The following SH3GLB1 variants were observed in gnomAD, a reference collection of about 807,000 sequenced individuals.
The protein encoded by SH3GLB1 is SH3 domain containing GRB2 like, endophilin B1, also known as endophilin-B1.
SH3GLB1 carries 17 observed loss-of-function variants against 42.0 expected under a neutral mutation model. The ratio of observed to expected loss-of-function variants is 0.40; its 90% CI spans 0.28 to 0.61. The LOEUF is 0.61. SH3GLB1 is among the 20% of genes least tolerant of loss of function. The pLI is 0.36. For missense variants in SH3GLB1, 355 were observed against 426.3 expected (o/e 0.83, Z 1.47); for synonymous variants, 132 against 146.6 (o/e 0.90, Z 0.72).
At chr1:86,734,740 C>A in intron 6 of SH3GLB1, 49 bp downstream of exon 6, 1 of 1,422,976 alleles carries the variant, frequency 7.0e-7, no homozygotes, top group Non-Finnish European at 9.8e-7. Flanking sequence ...CTTTGGTAGT[C>A]CTAAGGCAAT....
At chr1:86,740,108 C>G (rs1392150179) in intron 7 of SH3GLB1, among the ~76,000 whole-genome samples, 5 of 151,612 alleles carry the variant, frequency 3.3e-5, no homozygotes, top group Admixed American at 1.3e-4. Context: ...CAAGATTGAA[C>G]CACTGCACTA....
intron 2 of SH3GLB1, among the ~76,000 whole-genome samples, chr1:86,716,945 C>T (rs1459884113): frequency 1.3e-5 from 2 of 152,132 alleles, no homozygotes; most frequent in Non-Finnish European, 2.9e-5. Context: ...TAAATATTAG[C>T]AGTTCTCTAT....
At chr1:86,731,561 C>T (rs1306598652) in intron 5 of SH3GLB1, among the ~76,000 whole-genome samples, 1 of 151,852 alleles carries the variant, frequency 6.6e-6, no homozygotes, top group African/African-American at 2.4e-5. Context: ...ACAGGTTGAA[C>T]AAAAAAACTA....
intron 5 of SH3GLB1, among the ~76,000 whole-genome samples, chr1:86,724,885 AAAAAAAAATATATAT>A: frequency 8.0e-6 from 1 of 124,390 alleles, no homozygotes; most frequent in African/African-American, 3.8e-5. Context: ...AAAAAAAAAA[AAAAAAAAATATATAT>A]ATATATATAT....
chr1:86,743,195 A>G lies in SH3GLB1; in HGVS notation c.1058A>G (p.Lys353Arg). The change falls in exon 9 of 9, where the codon AAG (lysine) becomes AGG (arginine). Residue 353 changes from lysine to arginine, a missense_variant. Coordinates refer to ENST00000370558, the MANE Select transcript of SH3GLB1 (RefSeq NM_016009.5). ...DWLMGERGNQ[K>R]GKVPITYLEL... ...CTAATGGGGGAAAGGGGAAACCAGA[A>G]GGGCAAGGTGCCAATTACCTACTTA... The G allele has an allele frequency of 6.2e-7, 1 of 1,613,674 alleles. No homozygotes were observed. Among genetic ancestry groups the G allele is most frequent in the Non-Finnish European group, 8.5e-7 (1 of 1,179,868 alleles).
At chr1:86,730,792 G>A (rs114136298) in intron 5 of SH3GLB1, among the ~76,000 whole-genome samples, 441 of 152,222 alleles carry the variant, frequency 2.9e-3, no homozygotes, top group African/African-American at 0.01. Context: ...GTGAGCCACC[G>A]TACCCGGCCA....
At chr1:86,736,335 T>C (rs1368356477) in intron 7 of SH3GLB1, among the ~76,000 whole-genome samples, 1 of 152,226 alleles carries the variant, frequency 6.6e-6, no homozygotes, top group African/African-American at 2.4e-5. Flanking sequence ...TGTTTGTTTC[T>C]GCACATTAAC....
At chr1:86,730,456 T>C in intron 5 of SH3GLB1, 2 of 783,636 alleles carry the variant, frequency 2.6e-6, no homozygotes, top group Non-Finnish European at 3.1e-6. Flanking sequence ...GTTAACACCA[T>C]GTCCTGTATC....
intron 7 of SH3GLB1, among the ~76,000 whole-genome samples, chr1:86,740,669 G>A (rs773208528): frequency 6.6e-6 from 1 of 152,150 alleles, no homozygotes; most frequent in Non-Finnish European, 1.5e-5. Context: ...ACTGGAATTG[G>A]TAAGATCTAG....
At chr1:86,732,015 G>A (rs72961627) in intron 5 of SH3GLB1, among the ~76,000 whole-genome samples, 26,061 of 152,104 alleles carry the variant, frequency 0.17, 3,504 homozygotes, top group African/African-American at 0.37. Context: ...CAGTCAGCCA[G>A]GATCAGCCGT....
intron 5 of SH3GLB1, among the ~76,000 whole-genome samples, chr1:86,729,410 T>C (rs1308513081): frequency 6.6e-6 from 1 of 152,142 alleles, no homozygotes; most frequent in Non-Finnish European, 1.5e-5. Flanking sequence ...AAGCCCTGGC[T>C]GAATTAGGGC....
intron 1 of SH3GLB1, among the ~76,000 whole-genome samples, chr1:86,708,145 CAT>C (rs1570403345): frequency 6.6e-6 from 1 of 152,116 alleles, no homozygotes; most frequent in Non-Finnish European, 1.5e-5. Flanking sequence ...TAAAATAGAA[CAT>C]GTGAAATTTG....
intron 5 of SH3GLB1, among the ~76,000 whole-genome samples, chr1:86,732,375 C>G (rs560569336): frequency 6.6e-6 from 1 of 152,144 alleles, no homozygotes; most frequent in African/African-American, 2.4e-5. Context: ...ATTTTTTAGA[C>G]GACAGAATAT....
At chr1:86,724,670 T>G (rs969121654) in intron 5 of SH3GLB1, among the ~76,000 whole-genome samples, 5 of 151,676 alleles carry the variant, frequency 3.3e-5, no homozygotes, top group South Asian at 2.1e-4. Context: ...CCCAGGAGTT[T>G]GAGACCAGCC....
At position 86,724,327 on chromosome 1, in the gene SH3GLB1, A is replaced by G. The variant is rs771798108; in HGVS notation, c.492A>G (p.Leu164=). The stretch of plus-strand genomic sequence containing the variant: ...TATATTTATAGAAAGAAAGGAAACT[A>G]TTGCAAAATAAGAGACTGGATTTGG... ...DYKTIAKERK[L]LQNKRLDLDA... The change falls in exon 5 of 9, where the codon CTA becomes CTG. Residue 164 remains leucine (L), a synonymous_variant. Transcript: ENST00000370558. 52 of 1,586,454 alleles carry G rather than the reference A, an allele frequency of 3.3e-5. No homozygotes were observed. In the South Asian group the frequency reaches 5.3e-4, roughly 16 times the overall value.
chr1:86,705,706 T>C (rs1394762415), intron 1 of SH3GLB1, among the ~76,000 whole-genome samples: 1 of 152,202 alleles, frequency 6.6e-6, no homozygotes, highest in Non-Finnish European at 1.5e-5. Context: ...CCTCTCGATA[T>C]TCTACAATCA....
In SH3GLB1 at chr1:86,742,780, C is replaced by T. The variant is rs531276795; in HGVS notation, c.990+344C>T. 1.3e-3 allele frequency among the ~76,000 whole-genome samples: 190 copies of T among 151,892 alleles called. 1 individual carries two copies. The highest frequency in any genetic ancestry group is 4.4e-3 in the African/African-American group (184 of 41,424). On this transcript the variant is annotated intron_variant, in intron 8 of 8. Coordinates refer to ENST00000370558, the MANE Select transcript of SH3GLB1 (RefSeq NM_016009.5). The stretch of plus-strand genomic sequence containing the variant: ...TTCAAGACCAGCCTGGGCAACATAG[C>T]GACACCTCATCTCTACAAAAAATAT...
chr1:86,736,873 A>G (rs1017723979), intron 7 of SH3GLB1, among the ~76,000 whole-genome samples: 1 of 152,212 alleles, frequency 6.6e-6, no homozygotes. Flanking sequence ...ATACATAGAA[A>G]TATTCAAATA....
intron 6 of SH3GLB1, 48 bp from the exon 7 acceptor site, chr1:86,735,031 T>C: frequency 2.8e-6 from 4 of 1,432,534 alleles, no homozygotes; most frequent in Non-Finnish European, 3.9e-6. Context: ...GCATTTGCCA[T>C]TTAAGTTGAC....
Sources: allele counts gnomAD v4.1 joint callset (sites outside exome capture counted in the v4.1 genomes callset), GRCh38; gene constraint gnomAD v4.1.1; transcripts MANE v1.5; gene names NCBI Gene and HGNC (gene_info 2026-07-23, HGNC 2026-07-21).